The following MACROD1 variants were observed in gnomAD, a reference collection of about 807,000 sequenced individuals.
MACROD1 encodes the protein mono-ADP ribosylhydrolase 1, also known as ADP-ribose glycohydrolase MACROD1.
Under a neutral mutation model 41.4 loss-of-function variants are expected in MACROD1, and 31 were observed. That is an observed-to-expected ratio of 0.75 (90% confidence interval 0.56 to 1.01). MACROD1 has a LOEUF of 1.01. Among genes scored for constraint, MACROD1 ranks in the 50% least tolerant of loss-of-function variants. MACROD1 has a pLI of 0.00. For synonymous variants in MACROD1, 252 were observed against 203.4 expected (o/e 1.24, Z -2.03); for missense variants, 473 against 460.0 (o/e 1.03, Z -0.26).
chr11:64,143,801 C>CACACACACACAA lies in MACROD1; in HGVS notation c.517+7437_517+7438insTTGTGTGTGTGT, dbSNP rs762084927. 1.3e-3 allele frequency among the ~76,000 whole-genome samples: 194 copies of CACACACACACAA among 144,960 alleles called. 1 individual carries two copies. The highest frequency in any genetic ancestry group is 3.4e-3 in the Middle Eastern group (1 of 290). ...ACACACACACACACACACACACACA[C>CACACACACACAA]AATTTCCTGGGGGCTCTGGAGCTCG... On this transcript the variant is annotated intron_variant, in intron 3 of 10. Transcript: ENST00000255681.
chr11:63,999,554 G>A lies in MACROD1; in HGVS notation c.793C>T (p.Pro265Ser), dbSNP rs755599275. 3.7e-6 allele frequency: 6 copies of A among 1,609,860 alleles called. No homozygotes were observed. The African/African-American group carries it at 4.0e-5, about 11-fold the overall frequency. Residue 265 changes from proline to serine, a missense_variant, in exon 7 of 11, where the codon CCC (proline) becomes TCC (serine). Pro to Ser is a moderately conservative substitution (Grantham distance 74, BLOSUM62 -1). Transcript: ENST00000255681. Reference protein sequence around the residue: ...LEHRLRSVAFPCISTGVFGYP... With the variant: ...LEHRLRSVAFSCISTGVFGYP... ...CCAAACACGCCGGTGGAGATGCAGG[G>A]GAACGCCTGGGCGGGGAGGGGTGAG...
intron 3 of MACROD1, among the ~76,000 whole-genome samples, chr11:64,147,908 AT>A (rs1313961321): frequency 2.9e-4 from 41 of 143,222 alleles, no homozygotes; most frequent in Non-Finnish European, 3.2e-4. Context: ...ATGCCGTATT[AT>A]TTTTTTTTTT....
intron 3 of MACROD1, among the ~76,000 whole-genome samples, chr11:64,066,470 T>G (rs1360748457): frequency 6.6e-6 from 1 of 150,954 alleles, no homozygotes; most frequent in Non-Finnish European, 1.5e-5. Flanking sequence ...TTTTAAAAAA[T>G]TAGCGGAGTG....
rs114627738 is a variant in MACROD1, at chr11:64,034,343, T to C, written c.518-19062A>G. ...CTGTTGACGCCACAGGGCGGTGGCATTGTGGGTGATTTTTCTTTCTTTTAT... is the reference window on the plus strand; with the variant it reads ...CTGTTGACGCCACAGGGCGGTGGCACTGTGGGTGATTTTTCTTTCTTTTAT... On this transcript the variant is annotated intron_variant, in intron 3 of 10. Coordinates refer to ENST00000255681, the MANE Select transcript of MACROD1 (RefSeq NM_014067.4). Among the ~76,000 whole-genome samples the C allele has an allele frequency of 3.7e-3, 564 of 152,266 alleles. 5 individuals are homozygous for C. The highest frequency in any genetic ancestry group is 0.013 in the African/African-American group (541 of 41,562).
At chr11:64,019,795 G>C (rs1943129657) in intron 3 of MACROD1, among the ~76,000 whole-genome samples, 1 of 152,188 alleles carries the variant, frequency 6.6e-6, no homozygotes, top group Non-Finnish European at 1.5e-5. Flanking sequence ...GGGGAATGGG[G>C]GCGTGTGGGA....
rs558297244 is a variant in MACROD1 at position 64,047,891 on chromosome 11, C to T, written c.518-32610G>A. On this transcript the variant is annotated intron_variant, in intron 3 of 10. Transcript: ENST00000255681. ...CAGCCTGGGTGACAAGAGTGAAACT[C>T]CGTCTCAAAAAAAAAAAAAAAAAAG... Among the ~76,000 whole-genome samples the T allele has an allele frequency of 3.8e-3, 538 of 142,612 alleles. 4 individuals are homozygous for T. Among genetic ancestry groups the T allele is most frequent in the African/African-American group, 0.012 (437 of 37,796 alleles). 93.6% of individuals were successfully genotyped at this position (142,612 alleles called of 152,430 possible).
At chr11:64,143,668 C>T (rs1383476107) in intron 3 of MACROD1, among the ~76,000 whole-genome samples, 2 of 151,902 alleles carry the variant, frequency 1.3e-5, no homozygotes, top group Admixed American at 6.6e-5. Flanking sequence ...AGACAGGACA[C>T]ACCCACTCTC....
rs1347905945 is a variant in MACROD1, at chr11:64,067,044, A to AC, written c.518-51764dup. On this transcript the variant is annotated intron_variant, in intron 3 of 10. Coordinates refer to ENST00000255681, the MANE Select transcript of MACROD1 (RefSeq NM_014067.4). This position sits in a 1 kb window ranked among gnomAD's most constrained non-coding sequence, Gnocchi z 4.6. ...GGGAGATTGGATGAGGGGCTCAGGG[A>AC]CCCCCCATGCCCAATGTCCTGGCTC... Among the ~76,000 whole-genome samples, 11 of 151,830 alleles carry AC rather than the reference A, an allele frequency of 7.2e-5. No homozygotes were observed. In the South Asian group the frequency reaches 1.9e-3, roughly 26 times the overall value.
intron 3 of MACROD1, among the ~76,000 whole-genome samples, chr11:64,018,125 G>A (rs1447677665): frequency 6.6e-6 from 1 of 152,164 alleles, no homozygotes; most frequent in Non-Finnish European, 1.5e-5. Context: ...CCAGGAGATG[G>A]GATTTGCCAC....
intron 3 of MACROD1, among the ~76,000 whole-genome samples, chr11:64,089,294 C>T (rs1380961246): frequency 2.0e-5 from 3 of 152,214 alleles, no homozygotes; most frequent in South Asian, 2.1e-4. Flanking sequence ...GCTGTGAGAC[C>T]GGGGTAGGGC....
intron 3 of MACROD1, among the ~76,000 whole-genome samples, chr11:64,069,116 GGGTGAC>G (rs1164969758): frequency 3.9e-5 from 6 of 152,342 alleles, no homozygotes; most frequent in Admixed American, 1.3e-4. Flanking sequence ...AGGGGTGTGA[GGGTGAC>G]GGTGTCCAGC....
At chr11:64,156,545 A>C (rs1565264300) in intron 1 of MACROD1, among the ~76,000 whole-genome samples, 1 of 152,188 alleles carries the variant, frequency 6.6e-6, no homozygotes, top group Non-Finnish European at 1.5e-5. Context: ...CAGGTGCCCT[A>C]GCAGATATCA....
At chr11:64,052,269 A>AG (rs1943709346) in intron 3 of MACROD1, among the ~76,000 whole-genome samples, 1 of 151,910 alleles carries the variant, frequency 6.6e-6, no homozygotes, top group African/African-American at 2.4e-5. Context: ...AAAAAAAACA[A>AG]CTTTTTTTGC....
chr11:64,037,285 T>G (rs1943400715), intron 3 of MACROD1, among the ~76,000 whole-genome samples: 1 of 152,090 alleles, frequency 6.6e-6, no homozygotes, highest in African/African-American at 2.4e-5. Context: ...GGACCCACGA[T>G]GCCACTGTGG....
chr11:64,162,733 T>G (rs968435957), intron 1 of MACROD1, among the ~76,000 whole-genome samples: 1 of 151,450 alleles, frequency 6.6e-6, no homozygotes, highest in Admixed American at 6.6e-5. Context: ...GAGAATGGCA[T>G]GAACCCAGGA....
intron 3 of MACROD1, among the ~76,000 whole-genome samples, chr11:64,102,340 G>A (rs1251533877): frequency 1.3e-5 from 2 of 151,126 alleles, no homozygotes; most frequent in East Asian, 2.0e-4. Flanking sequence ...GGAAGAGGAG[G>A]GCGGCTGCGG....
At chr11:64,046,446 G>C (rs1319360983) in intron 3 of MACROD1, among the ~76,000 whole-genome samples, 5 of 152,358 alleles carry the variant, frequency 3.3e-5, no homozygotes, top group Admixed American at 2.0e-4. Flanking sequence ...ACAGGAGGGA[G>C]CTGGGTCCTA....
chr11:63,999,172 C>T, intron 8 of MACROD1, 136 bp from the exon 9 acceptor site: 1 of 1,306,210 alleles, frequency 7.7e-7, no homozygotes, highest in Non-Finnish European at 1.0e-6. Flanking sequence ...GTGCCATCAC[C>T]CCCATCTCGC....
chr11:64,156,393 C>T (rs1323672373), intron 1 of MACROD1, among the ~76,000 whole-genome samples: 1 of 152,224 alleles, frequency 6.6e-6, no homozygotes, highest in Admixed American at 6.5e-5. Flanking sequence ...GACCTGTGGC[C>T]AGAAAGTCAG....
Sources: gnomAD v4.1 joint callset for allele counts (sites outside exome capture counted in the v4.1 genomes callset) on GRCh38, gnomAD v4.1.1 for gene constraint, Gnocchi (gnomAD v3.1) non-coding constraint, MANE v1.5 for transcripts, NCBI Gene and HGNC (gene_info 2026-07-23, HGNC 2026-07-21) for gene names.